The following TUT7 variants were observed in gnomAD, a reference collection of about 807,000 sequenced individuals.
TUT7 encodes terminal uridylyltransferase 7.
Under a neutral mutation model 165.9 loss-of-function variants are expected in TUT7, and 33 were observed. The ratio of observed to expected loss-of-function variants is 0.20; its 90% CI spans 0.15 to 0.27. The LOEUF (loss-of-function observed/expected upper bound fraction) is 0.27, where lower values mean the gene tolerates loss of function less well. Among genes scored for constraint, TUT7 ranks in the 10% least tolerant of loss-of-function variants. The probability of loss-of-function intolerance (pLI) is 1.00; values close to 1 mark genes in which losing one functional copy is unlikely to be tolerated. For synonymous variants in TUT7, 552 were observed against 608.1 expected, an observed-to-expected ratio of 0.91 and a Z score of 1.36; for missense variants, 1,338 against 1,762.3, an observed-to-expected ratio of 0.76 and a Z score of 4.31.
chr9:86,305,200 G>C lies in TUT7; in HGVS notation c.3878C>G (p.Ser1293Ter). 1 of 1,600,238 alleles carries C rather than the reference G, an allele frequency of 6.2e-7. No homozygotes were observed. The highest frequency in any genetic ancestry group is 8.5e-7 in the Non-Finnish European group (1 of 1,175,632). ...CAAACGAAGTAACTCACTTTTCCTTGATAATCCAGCTCCAAGATTATGATT... is the reference window on the plus strand; with the variant it reads ...CAAACGAAGTAACTCACTTTTCCTTCATAATCCAGCTCCAAGATTATGATT... The part of the protein sequence containing the change: ...DLNHNLGAGL[S>*]RKMTNFIMKA... The change falls in exon 23 of 27, where the codon TCA becomes TGA. Residue 1293 changes from serine to a stop codon, truncating the protein, a stop_gained. Coordinates refer to ENST00000375963, the MANE Select transcript of TUT7 (RefSeq NM_024617.4). LOFTEE classifies it high-confidence loss of function.
intron 11 of TUT7, among the ~76,000 whole-genome samples, chr9:86,327,614 G>A (rs528537103): frequency 6.8e-4 from 103 of 152,284 alleles, no homozygotes; most frequent in Admixed American, 2.4e-3. Context: ...TGGCAGCAGA[G>A]GTAGGGTGGT....
chr9:86,347,793 G>C (rs547724248), intron 2 of TUT7, among the ~76,000 whole-genome samples: 1 of 151,986 alleles, frequency 6.6e-6, no homozygotes, highest in African/African-American at 2.4e-5. Context: ...GCTACCTTGC[G>C]CTACCTTAAT....
chr9:86,296,595 T>G (rs1260184587), intron 26 of TUT7, among the ~76,000 whole-genome samples: 1 of 152,244 alleles, frequency 6.6e-6, no homozygotes, highest in Non-Finnish European at 1.5e-5. Context: ...GTGCCTACTC[T>G]GGGCAGTACT....
At chr9:86,349,739 G>A (rs185117473) in intron 2 of TUT7, among the ~76,000 whole-genome samples, 8 of 152,082 alleles carry the variant, frequency 5.3e-5, no homozygotes, top group Admixed American at 4.6e-4. Context: ...ATGTTATACC[G>A]AAGCTTAATG....
Position 86,323,245 on chromosome 9 carries a change from C to A in TUT7, c.2505G>T (p.Gln835His). 6.2e-7 allele frequency: 1 copy of A among 1,614,128 alleles called. No homozygotes were observed. Among genetic ancestry groups the A allele is most frequent in the Non-Finnish European group, 8.5e-7 (1 of 1,180,028 alleles). The change falls in exon 13 of 27, where the codon CAG (glutamine) becomes CAT (histidine). Residue 835 changes from glutamine to histidine, a missense_variant. Transcript: ENST00000375963. ...DSLNHFTHSV[Q>H]GQTSEMIPSD... ...AGGGAATCATTTCTGATGTCTGGCCCTGTACTGAGTGGGTAAAGTGGTTTA... is the reference window on the plus strand; with the variant it reads ...AGGGAATCATTTCTGATGTCTGGCCATGTACTGAGTGGGTAAAGTGGTTTA...
Position 86,323,441 on chromosome 9 carries a change from C to T in TUT7, c.2309G>A (p.Gly770Glu). The change falls in exon 13 of 27, where the codon GGA becomes GAA. Residue 770 changes from glycine to glutamate, a missense_variant. By Grantham distance (98) the Gly-to-Glu change is moderately conservative (BLOSUM62 -2). This residue lies in a region of TUT7 where 425 missense variants were observed against 474.9 expected (regional missense o/e 0.89). Transcript: ENST00000375963. Reference sequence around the variant, plus strand: ...TGTGCTGCCACAGACAACATGCTCTCCACGTTTCTGATCAACAGTCAACAG... The same window carrying T: ...TGTGCTGCCACAGACAACATGCTCTTCACGTTTCTGATCAACAGTCAACAG... ...KHLLTVDQKR[G>E]EHVVCGSTRN... 6.2e-7 allele frequency: 1 copy of T among 1,614,250 alleles called. No homozygotes were observed. The highest frequency in any genetic ancestry group is 1.6e-4 in the Middle Eastern group (1 of 6,062).
At chr9:86,289,500 T>C (rs1174256287) in intron 26 of TUT7, among the ~76,000 whole-genome samples, 1 of 152,178 alleles carries the variant, frequency 6.6e-6, no homozygotes, top group Non-Finnish European at 1.5e-5. Context: ...CCTTCTTCTC[T>C]ACCCATTTCC....
intron 11 of TUT7, among the ~76,000 whole-genome samples, chr9:86,327,654 C>T (rs1435878478): frequency 6.6e-6 from 1 of 152,196 alleles, no homozygotes; most frequent in Non-Finnish European, 1.5e-5. Context: ...TCCCAGTGTT[C>T]AAGGATTCTA....
intron 10 of TUT7, among the ~76,000 whole-genome samples, chr9:86,331,227 A>AT (rs11383342): frequency 0.3 from 45,781 of 151,864 alleles, 8,166 homozygotes; most frequent in East Asian, 0.49. Flanking sequence ...CCTGGGCAAC[A>AT]TAGTGGAACC....
intron 5 of TUT7, among the ~76,000 whole-genome samples, chr9:86,344,286 A>T (rs553608189): frequency 5.3e-5 from 8 of 152,274 alleles, no homozygotes; most frequent in African/African-American, 1.9e-4. Flanking sequence ...CCATTTACCT[A>T]AACAGCAATG....
Position 86,339,042 on chromosome 9 carries a change from C to A in TUT7, c.1209-93G>T, listed in dbSNP as rs140014093. ...GTCTTTTATGCCAACAACTAATATA[C>A]ATGCATAATAAATACTTCAAAAATA... On this transcript the variant is annotated intron_variant, in intron 8 of 26. Coordinates refer to ENST00000375963, the MANE Select transcript of TUT7 (RefSeq NM_024617.4). The A allele has an allele frequency of 2.3e-4, 263 of 1,132,608 alleles. 9 individuals carry two copies. The East Asian group carries it at 4.7e-3, about 20-fold the overall frequency. 70.2% of individuals were successfully genotyped at this position (1,132,608 alleles called of 1,614,324 possible). A position where few individuals can be genotyped will look rare whatever the true frequency, so the allele number is the denominator to read the frequency against.
In TUT7 at chr9:86,345,721, A is replaced by G. The variant is rs1006079147; in HGVS notation, c.767T>C (p.Ile256Thr). 6.2e-7 allele frequency: 1 copy of G among 1,613,866 alleles called. No individual in the cohort carries two copies. Residue 256 changes from isoleucine to threonine, a missense_variant, in exon 4 of 27, where the codon ATT becomes ACT. Ile to Thr is a moderately conservative substitution (Grantham distance 89, BLOSUM62 -1). Transcript: ENST00000375963. ...CRLCDVLIES[I>T]AFAHKHIKEK... is the part of the protein sequence containing the mutation. Reference sequence around the variant, plus strand: ...CTTGATATGCTTATGGGCAAATGCAATGGATTCAATTAAAACATCACAGAG... The same window carrying G: ...CTTGATATGCTTATGGGCAAATGCAGTGGATTCAATTAAAACATCACAGAG...
intron 22 of TUT7, among the ~76,000 whole-genome samples, chr9:86,306,094 A>G (rs893795778): frequency 2.0e-5 from 3 of 152,204 alleles, no homozygotes; most frequent in Admixed American, 1.3e-4. Context: ...TTCATAATTT[A>G]GACATTATGT....
chr9:86,305,290 C>A (rs1363507407), intron 22 of TUT7, 51 bp from the exon 23 acceptor site: 1 of 1,203,820 alleles, frequency 8.3e-7, no homozygotes, highest in Non-Finnish European at 1.2e-6. Context: ...GAAAATGCCA[C>A]CATTCATCCA....
rs1229879498 is a variant in TUT7, at chr9:86,323,827, T to C, written c.1923A>G (p.Leu641=). 1 of 1,614,184 alleles carries C rather than the reference T, an allele frequency of 6.2e-7. No individual in the cohort carries two copies. The highest frequency in any genetic ancestry group is 2.2e-5 in the East Asian group (1 of 44,886). ...LPHKITKSSL[L]KPLNAITCIS... ...TACATGTAATTGCATTCAGAGGCTT[T>C]AGAAGGCTGGATTTTGTAATTTTGT... is the stretch of plus-strand genomic sequence containing the variant. The change falls in exon 13 of 27, where the codon CTA becomes CTG. Residue 641 remains leucine, a synonymous_variant. Coordinates refer to ENST00000375963, the MANE Select transcript of TUT7 (RefSeq NM_024617.4).
chr9:86,326,188 C>G (rs1829780694), intron 11 of TUT7, among the ~76,000 whole-genome samples: 1 of 152,216 alleles, frequency 6.6e-6, no homozygotes, highest in Non-Finnish European at 1.5e-5. Context: ...TGTGACTTAG[C>G]TTCTTCATTC....
chr9:86,352,841 G>C lies in TUT7; in HGVS notation c.359C>G (p.Pro120Arg), dbSNP rs1344618774. Residue 120 changes from proline to arginine, a missense_variant, in exon 2 of 27, where the codon CCT (proline) becomes CGT (arginine). Coordinates refer to ENST00000375963, the MANE Select transcript of TUT7 (RefSeq NM_024617.4). Reference protein sequence around the residue: ...SDNWREFKPGPRIPVINRQRK... With the variant: ...SDNWREFKPGRRIPVINRQRK... ...TTGTCGGTTTATAACAGGAATTCTA[G>C]GTCCAGGTTTGAATTCTCTCCAGTT... 13 of 1,614,024 alleles carry C rather than the reference G, an allele frequency of 8.1e-6. No homozygotes were observed. The Admixed American group carries it at 1.0e-4, about 12-fold the overall frequency.
rs991904786 is a variant in TUT7, at chr9:86,307,878, C to A, written c.3838+551G>T. Among the ~76,000 whole-genome samples, 13 of 152,082 alleles carry A rather than the reference C, an allele frequency of 8.5e-5. 1 individual carries two copies. The highest frequency in any genetic ancestry group is 3.1e-4 in the African/African-American group (13 of 41,426). ...TTGTGGTGGTGGGTCCCTGTAATCC[C>A]AGCTACTCAGGTGGCTGAGGCAGGA... On this transcript the variant is annotated intron_variant, in intron 22 of 26. Coordinates refer to ENST00000375963, the MANE Select transcript of TUT7 (RefSeq NM_024617.4).
intron 26 of TUT7, chr9:86,298,790 G>T: frequency 1.0e-6 from 1 of 984,992 alleles, no homozygotes. Context: ...CAAAAATATT[G>T]TTGTTTTTTG....
Sources: allele counts gnomAD v4.1 joint callset (sites outside exome capture counted in the v4.1 genomes callset), GRCh38; gene constraint gnomAD v4.1.1; regional missense constraint gnomAD v4.1.1; transcripts MANE v1.5; gene names NCBI Gene and HGNC (gene_info 2026-07-23, HGNC 2026-07-21).